Variants in SND1 observed in about 807,000 individuals in gnomAD.
SND1 encodes the protein staphylococcal nuclease domain-containing protein 1.
Under a neutral mutation model 121.7 loss-of-function variants are expected in SND1, and 38 were observed. The ratio of observed to expected loss-of-function variants is 0.31; its 90% CI spans 0.24 to 0.41. SND1 has a LOEUF of 0.41. SND1 is among the 10% of genes least tolerant of loss of function. The pLI is 1.00. For synonymous variants in SND1, 401 were observed against 447.4 expected, an observed-to-expected ratio of 0.90 and a Z score of 1.31; for missense variants, 868 against 1,184.6, an observed-to-expected ratio of 0.73 and a Z score of 3.92.
At chr7:127,868,134 G>A (rs943210548) in intron 12 of SND1, among the ~76,000 whole-genome samples, 14 of 152,304 alleles carry the variant, frequency 9.2e-5, no homozygotes, top group South Asian at 4.1e-4. Context: ...GCTCACGCCT[G>A]TAATCCCAGC....
chr7:127,725,913 C>T (rs1313153065), intron 10 of SND1, among the ~76,000 whole-genome samples: 1 of 152,174 alleles, frequency 6.6e-6, no homozygotes, highest in African/African-American at 2.4e-5. Context: ...ATGGGACTTT[C>T]CCTTCAAGGA....
intron 12 of SND1, chr7:127,857,876 T>G (rs754364341): frequency 7.5e-7 from 1 of 1,327,282 alleles, no homozygotes; most frequent in Non-Finnish European, 1.1e-6. Context: ...TCAATGCGTT[T>G]GGAGTTGTAG....
intron 7 of SND1, among the ~76,000 whole-genome samples, chr7:127,704,511 T>G (rs2116346034): frequency 6.6e-6 from 1 of 152,290 alleles, no homozygotes; most frequent in South Asian, 2.1e-4. Context: ...TATTAAAGAT[T>G]AACATCCTCC....
At chr7:127,712,806 A>C (rs1315477461) in intron 9 of SND1, among the ~76,000 whole-genome samples, 1 of 152,136 alleles carries the variant, frequency 6.6e-6, no homozygotes, top group Non-Finnish European at 1.5e-5. Context: ...TTAGAGAGGG[A>C]CCCAAAATAA....
chr7:127,678,436 T>C (rs535040084), intron 1 of SND1, among the ~76,000 whole-genome samples: 2 of 152,284 alleles, frequency 1.3e-5, no homozygotes, highest in South Asian at 4.1e-4. Flanking sequence ...CTTGTACCTG[T>C]TGGGTCTGCA....
At chr7:128,020,578 C>T (rs1289124136) in intron 16 of SND1, among the ~76,000 whole-genome samples, 2 of 152,196 alleles carry the variant, frequency 1.3e-5, no homozygotes, top group Non-Finnish European at 2.9e-5. Context: ...CTCTCCATAT[C>T]CCGGAAGTTA....
intron 15 of SND1, among the ~76,000 whole-genome samples, chr7:127,963,247 CTTTTCT>C (rs1156671714): frequency 8.3e-6 from 1 of 121,118 alleles, no homozygotes; most frequent in South Asian, 3.1e-4. Flanking sequence ...CGGCATATTT[CTTTTCT>C]TTTTTTTTTT....
intron 16 of SND1, chr7:128,028,442 G>A: frequency 2.3e-6 from 1 of 435,088 alleles, no homozygotes; most frequent in South Asian, 3.7e-5. Flanking sequence ...CTTGTGGCTT[G>A]TACCCCACAA....
intron 15 of SND1, among the ~76,000 whole-genome samples, chr7:127,981,315 C>T (rs1377174724): frequency 6.6e-6 from 1 of 152,100 alleles, no homozygotes; most frequent in Non-Finnish European, 1.5e-5. Context: ...CTCCCATGCC[C>T]AGTTGTTCTT....
At chr7:127,829,782 A>G (rs1798707300) in intron 11 of SND1, among the ~76,000 whole-genome samples, 1 of 152,232 alleles carries the variant, frequency 6.6e-6, no homozygotes, top group Non-Finnish European at 1.5e-5. Context: ...AAGTAAAAGA[A>G]TTTAGACACA....
At position 127,738,273 on chromosome 7, in the gene SND1, CT is replaced by C. The variant is rs869045037; in HGVS notation, c.1152+16885del. Among the ~76,000 whole-genome samples the C allele has an allele frequency of 4.7e-4, 62 of 131,876 alleles. 1 individual carries two copies. The Middle Eastern group carries it at 0.013, about 27-fold the overall frequency. 86.5% of individuals were successfully genotyped at this position (131,876 alleles called of 152,430 possible). A position where few individuals can be genotyped will look rare whatever the true frequency, so the allele number is the denominator to read the frequency against. ...GCTCTGGCCTTCCTAAAAGGTGTTT[CT>C]TTTTTTTTTTTCTTTTTTTTTTTTT... On this transcript the variant is annotated intron_variant, in intron 10 of 23. Coordinates refer to ENST00000354725, the MANE Select transcript of SND1 (RefSeq NM_014390.4).
intron 10 of SND1, among the ~76,000 whole-genome samples, chr7:127,723,472 TCTA>T (rs1170117931): frequency 6.6e-6 from 1 of 152,244 alleles, no homozygotes; most frequent in Non-Finnish European, 1.5e-5. Context: ...GCTGCAATAA[TCTA>T]CAACATATGG....
chr7:128,086,776 C>G (rs897565184), intron 20 of SND1, 162 bp from the exon 21 acceptor site: 2 of 668,434 alleles, frequency 3.0e-6, no homozygotes, highest in African/African-American at 3.5e-5. Context: ...CAGGCTTCAC[C>G]CACTGGGGAG....
chr7:127,768,674 G>A (rs772616759), intron 10 of SND1, among the ~76,000 whole-genome samples: 1 of 152,208 alleles, frequency 6.6e-6, no homozygotes, highest in Non-Finnish European at 1.5e-5. Flanking sequence ...AAATAGCAGA[G>A]TTGTGGTTTT....
intron 1 of SND1, among the ~76,000 whole-genome samples, chr7:127,664,773 C>T (rs1027513953): frequency 3.9e-5 from 6 of 152,150 alleles, no homozygotes; most frequent in African/African-American, 1.4e-4. Flanking sequence ...GGATCTGACA[C>T]TAATTCCAGG....
chr7:127,952,248 G>T (rs1211683981), intron 15 of SND1, among the ~76,000 whole-genome samples: 1 of 152,146 alleles, frequency 6.6e-6, no homozygotes, highest in East Asian at 1.9e-4. Context: ...TGCTTAGCAG[G>T]TTTTGATCTT....
chr7:128,051,029 A>G (rs1292390662), intron 16 of SND1, among the ~76,000 whole-genome samples: 1 of 152,180 alleles, frequency 6.6e-6, no homozygotes, highest in East Asian at 1.9e-4. Context: ...AGATCCAGTA[A>G]CTGGGAAGGA....
chr7:127,768,762 C>T (rs1355073382), intron 10 of SND1, among the ~76,000 whole-genome samples: 1 of 152,030 alleles, frequency 6.6e-6, no homozygotes, highest in Non-Finnish European at 1.5e-5. Context: ...GAGTATGAGA[C>T]GAAAATTGTA....
At chr7:127,654,435 C>T (rs1484933217) in intron 1 of SND1, among the ~76,000 whole-genome samples, 1 of 152,156 alleles carries the variant, frequency 6.6e-6, no homozygotes, top group Non-Finnish European at 1.5e-5. Flanking sequence ...CTGTCTGCCA[C>T]GGCACATGCT....
Sources: gnomAD v4.1 joint callset for allele counts (sites outside exome capture counted in the v4.1 genomes callset) on GRCh38, gnomAD v4.1.1 for gene constraint, MANE v1.5 for transcripts, NCBI Gene and HGNC (gene_info 2026-07-23, HGNC 2026-07-21) for gene names.